The following MYBL1 variants were observed in gnomAD, a reference collection of about 807,000 sequenced individuals.
MYBL1 encodes the protein MYB proto-oncogene like 1.
In MYBL1, 17 loss-of-function variants were observed where a neutral mutation model predicts 96.3. The observed-to-expected ratio is 0.18, with a 90% confidence interval of 0.12 to 0.26. The LOEUF is 0.26. Among genes scored for constraint, MYBL1 ranks in the 10% least tolerant of loss-of-function variants. The probability of loss-of-function intolerance (pLI) is 1.00; values close to 1 mark genes in which losing one functional copy is unlikely to be tolerated. For missense variants in MYBL1, 701 were observed against 882.9 expected, an observed-to-expected ratio of 0.79 and a Z score of 2.61; for synonymous variants, 282 against 292.7, an observed-to-expected ratio of 0.96 and a Z score of 0.37.
intron 9 of MYBL1, among the ~76,000 whole-genome samples, chr8:66,578,729 G>A (rs893279082): frequency 6.6e-6 from 1 of 152,120 alleles, no homozygotes. Context: ...CCCATTACTG[G>A]GTATATACCC....
chr8:66,612,764 G>C (rs1810583301), intron 1 of MYBL1, 55 bp downstream of exon 1: 3 of 1,343,496 alleles, frequency 2.2e-6, no homozygotes, highest in Admixed American at 3.0e-5. Context: ...GGATAGGAAA[G>C]AGAATCTGAG....
chr8:66,582,994 T>C (rs1006482114), intron 8 of MYBL1, among the ~76,000 whole-genome samples: 11 of 152,192 alleles, frequency 7.2e-5, no homozygotes, highest in Admixed American at 3.3e-4. Flanking sequence ...ACATTTATAC[T>C]GAATGAGCCT....
At chr8:66,608,306 CCATT>C (rs1810400224) in intron 1 of MYBL1, among the ~76,000 whole-genome samples, 1 of 151,976 alleles carries the variant, frequency 6.6e-6, no homozygotes, top group Non-Finnish European at 1.5e-5. Context: ...GTTATATAGC[CCATT>C]CAATGTTCAG....
intron 5 of MYBL1, 124 bp from the exon 6 acceptor site, chr8:66,595,881 A>C (rs1183498212): frequency 1.7e-6 from 1 of 600,632 alleles, no homozygotes; most frequent in Non-Finnish European, 2.7e-6. Flanking sequence ...TTTTTTCTTA[A>C]TTTTTCTTTT....
Position 66,576,228 on chromosome 8 carries a change from C to T in MYBL1, c.1249G>A (p.Gly417Arg). 6.2e-7 allele frequency: 1 copy of T among 1,613,860 alleles called. No individual in the cohort carries two copies. Among genetic ancestry groups the T allele is most frequent in the Non-Finnish European group, 8.5e-7 (1 of 1,179,858 alleles). Reference sequence around the variant, plus strand: ...CCACCATTACAAGTGTTTTTTTTCCCTTCAAGTACAAGACTGACGTTAAAT... The same window carrying T: ...CCACCATTACAAGTGTTTTTTTTCCTTTCAAGTACAAGACTGACGTTAAAT... ...CQFNVSLVLE[G>R]KKNTCNGGNS... Residue 417 changes from glycine to arginine, a missense_variant, in exon 10 of 16, where the codon GGG becomes AGG. Physicochemically the swap from Gly to Arg is moderately radical, Grantham distance 125. Around this residue, in one of 5 missense-constraint regions of MYBL1, gnomAD observed 396 missense variants for 407.4 expected, o/e 0.97. Transcript: ENST00000522677.
intron 1 of MYBL1, among the ~76,000 whole-genome samples, chr8:66,606,593 G>A (rs79752382): frequency 0.077 from 11,788 of 152,194 alleles, 613 homozygotes; most frequent in Middle Eastern, 0.14. Context: ...TTGTAGGAAC[G>A]TCTAACTTCC....
chr8:66,598,147 CTATT>C (rs1809927332), intron 4 of MYBL1, among the ~76,000 whole-genome samples: 1 of 152,166 alleles, frequency 6.6e-6, no homozygotes, highest in Non-Finnish European at 1.5e-5. Flanking sequence ...CTATATGTGT[CTATT>C]TACTATCTTT....
At chr8:66,604,393 T>C (rs1381697847) in intron 1 of MYBL1, among the ~76,000 whole-genome samples, 2 of 151,898 alleles carry the variant, frequency 1.3e-5, no homozygotes, top group South Asian at 2.1e-4. Context: ...TGTGGTGGTA[T>C]GTGCCTGTAA....
At chr8:66,585,206 C>A (rs192133106) in intron 8 of MYBL1, among the ~76,000 whole-genome samples, 2 of 152,146 alleles carry the variant, frequency 1.3e-5, no homozygotes, top group East Asian at 3.9e-4. Context: ...GAATACATAA[C>A]CCAGAAATAA....
Position 66,613,182 on chromosome 8 carries a change from C to A in MYBL1, c.-344G>T, listed in dbSNP as rs1483604115. 1 of 400,980 alleles carries A rather than the reference C, an allele frequency of 2.5e-6. No homozygotes were observed. The highest frequency in any genetic ancestry group is 4.4e-6 in the Non-Finnish European group (1 of 226,666). 24.8% of individuals were successfully genotyped at this position (400,980 alleles called of 1,614,324 possible). A position where few individuals can be genotyped will look rare whatever the true frequency, so the allele number is the denominator to read the frequency against. On this transcript the variant is annotated 5_prime_UTR_variant, in exon 1 of 16. Transcript: ENST00000522677. ...CCAGCCCGGCTCCGCCACAGGCGCC[C>A]GACCCCTGCCCTCTCCCCCGCAGCT...
chr8:66,567,243 T>C (rs1247964647), intron 12 of MYBL1, among the ~76,000 whole-genome samples: 1 of 152,206 alleles, frequency 6.6e-6, no homozygotes, highest in Non-Finnish European at 1.5e-5. Context: ...GAAACCACTG[T>C]AGCTCCTGCT....
At chr8:66,594,886 C>T (rs1809790329) in intron 6 of MYBL1, among the ~76,000 whole-genome samples, 1 of 152,082 alleles carries the variant, frequency 6.6e-6, no homozygotes, top group Non-Finnish European at 1.5e-5. Flanking sequence ...CTACTAAGTC[C>T]TGACTTAATC....
At chr8:66,571,023 C>A (rs938098635) in intron 12 of MYBL1, among the ~76,000 whole-genome samples, 1 of 152,022 alleles carries the variant, frequency 6.6e-6, no homozygotes, top group East Asian at 1.9e-4. Context: ...GTGTAACATG[C>A]TTTTGGGCAG....
At chr8:66,588,642 A>G (rs986510513) in intron 8 of MYBL1, among the ~76,000 whole-genome samples, 1 of 152,170 alleles carries the variant, frequency 6.6e-6, no homozygotes, top group African/African-American at 2.4e-5. Flanking sequence ...AGGATTACCA[A>G]GCATACATAT....
In MYBL1 at chr8:66,564,772, A is replaced by G. The variant is rs1334821972; in HGVS notation, c.2184T>C (p.Ile728=). The G allele has an allele frequency of 1.3e-6, 2 of 1,583,940 alleles. No individual in the cohort carries two copies. Among genetic ancestry groups the G allele is most frequent in the East Asian group, 4.5e-5 (2 of 44,154 alleles). Residue 728 remains isoleucine, a synonymous_variant, in exon 16 of 16, where the codon ATT becomes ATC. Coordinates refer to ENST00000522677, the MANE Select transcript of MYBL1 (RefSeq NM_001080416.4). ...GATATCTTCTTGCTTGTTCAGTCAT[A>G]ATAAGTTGGTCTTCTGTCTTCCCAT... ...VVYGKTEDQL[I]MTEQARRYLS... is the part of the protein sequence containing the mutation.
At chr8:66,583,823 C>T (rs1314677642) in intron 8 of MYBL1, among the ~76,000 whole-genome samples, 1 of 152,068 alleles carries the variant, frequency 6.6e-6, no homozygotes, top group Non-Finnish European at 1.5e-5. Context: ...TGCAATAAAA[C>T]GTCTCCTATA....
At chr8:66,565,781 G>C (rs1586545281) in intron 15 of MYBL1, among the ~76,000 whole-genome samples, 1 of 152,040 alleles carries the variant, frequency 6.6e-6, no homozygotes, top group Admixed American at 6.6e-5. Flanking sequence ...AGGAGAAGAG[G>C]TGCCAGAAGT....
intron 8 of MYBL1, among the ~76,000 whole-genome samples, chr8:66,586,411 G>T (rs1809423712): frequency 6.6e-6 from 1 of 152,096 alleles, no homozygotes; most frequent in Non-Finnish European, 1.5e-5. Context: ...CATACAAATG[G>T]ACAATGGGTA....
At chr8:66,582,228 T>TA (rs1237789964) in intron 8 of MYBL1, among the ~76,000 whole-genome samples, 1 of 152,038 alleles carries the variant, frequency 6.6e-6, no homozygotes, top group Non-Finnish European at 1.5e-5. Context: ...GCTCTACACT[T>TA]AAAAGACATA....
Sources: allele counts gnomAD v4.1 joint callset (sites outside exome capture counted in the v4.1 genomes callset), GRCh38; gene constraint gnomAD v4.1.1; regional missense constraint gnomAD v4.1.1; transcripts MANE v1.5; gene names NCBI Gene and HGNC (gene_info 2026-07-23, HGNC 2026-07-21).